The following LRP1B variants were observed in gnomAD, a reference collection of about 807,000 sequenced individuals.
The protein encoded by LRP1B is low-density lipoprotein receptor-related protein 1B.
A neutral mutation model predicts 556.6 loss-of-function variants in LRP1B; 217 were observed. The observed-to-expected ratio is 0.39, with a 90% CI of 0.35 to 0.44. The LOEUF (loss-of-function observed/expected upper bound fraction) is 0.44. Ranked by LOEUF, LRP1B falls within the 20% of genes least tolerant of loss-of-function variation. The pLI, the probability that LRP1B is intolerant of heterozygous loss-of-function variation, is 1.00. For synonymous variants in LRP1B, 2,047 were observed against 1,865.8 expected (o/e 1.10, Z -2.50); for missense variants, 5,053 against 5,620.8 (o/e 0.90, Z 3.23).
intron 1 of LRP1B, among the ~76,000 whole-genome samples, chr2:142,014,384 T>A (rs1703053899): frequency 6.6e-6 from 1 of 152,196 alleles, no homozygotes; most frequent in Non-Finnish European, 1.5e-5. Context: ...TAGTAGCTTT[T>A]ATTTGAAGAA....
intron 3 of LRP1B, among the ~76,000 whole-genome samples, chr2:141,344,410 G>T (rs1167584290): frequency 6.6e-6 from 1 of 152,028 alleles, no homozygotes; most frequent in Non-Finnish European, 1.5e-5. Flanking sequence ...AACTAAGTAA[G>T]CTAGGCATGC....
chr2:140,792,681 A>G (rs1690164982), intron 32 of LRP1B, among the ~76,000 whole-genome samples: 1 of 152,168 alleles, frequency 6.6e-6, no homozygotes, highest in Non-Finnish European at 1.5e-5. Context: ...AAAAGAAAAA[A>G]ATAAGGAAAA....
intron 1 of LRP1B, among the ~76,000 whole-genome samples, chr2:141,979,595 T>G (rs1344667629): frequency 6.6e-6 from 1 of 152,130 alleles, no homozygotes; most frequent in Non-Finnish European, 1.5e-5. Flanking sequence ...ACATTCAACC[T>G]TCTTTTCAGT....
intron 71 of LRP1B, among the ~76,000 whole-genome samples, chr2:140,368,668 G>T (rs1484889833): frequency 6.6e-6 from 1 of 151,712 alleles, no homozygotes; most frequent in Non-Finnish European, 1.5e-5. Flanking sequence ...TTATCCTTCA[G>T]CTCTCTTATA....
intron 2 of LRP1B, among the ~76,000 whole-genome samples, chr2:141,797,246 A>G (rs1415241860): frequency 1.4e-5 from 2 of 146,044 alleles, no homozygotes; most frequent in Admixed American, 1.4e-4. Context: ...CTGCCTATGG[A>G]CTTATTTTTT....
intron 41 of LRP1B, among the ~76,000 whole-genome samples, chr2:140,616,062 G>A (rs1301935796): frequency 6.6e-6 from 1 of 151,722 alleles, no homozygotes; most frequent in Admixed American, 6.6e-5. Flanking sequence ...GCAGATGAAG[G>A]TGGTTATCTG....
intron 41 of LRP1B, among the ~76,000 whole-genome samples, chr2:140,647,190 C>T (rs1234584386): frequency 6.6e-6 from 1 of 151,856 alleles, no homozygotes; most frequent in African/African-American, 2.4e-5. Flanking sequence ...CCTTTAAATG[C>T]TTTTTTAAAA....
intron 3 of LRP1B, among the ~76,000 whole-genome samples, chr2:141,337,555 A>G (rs2105508430): frequency 6.6e-6 from 1 of 152,314 alleles, no homozygotes; most frequent in African/African-American, 2.4e-5. Context: ...CAAAACAATC[A>G]TTTTAAATTT....
At position 140,756,622 on chromosome 2, in the gene LRP1B, C is replaced by A. The variant is rs538362761; in HGVS notation, c.5758+12591G>T. On this transcript the variant is annotated intron_variant, in intron 35 of 90. Transcript: ENST00000389484. Reference sequence around the variant, plus strand: ...AAATGATACTGGGATAAGTAAATATCCATATGCAAATCCACATGGATATCC... The same window carrying A: ...AAATGATACTGGGATAAGTAAATATACATATGCAAATCCACATGGATATCC... Among the ~76,000 whole-genome samples the A allele has an allele frequency of 2.0e-4, 30 of 152,052 alleles. 1 individual carries two copies. The highest frequency in any genetic ancestry group is 5.8e-4 in the African/African-American group (24 of 41,526).
intron 6 of LRP1B, among the ~76,000 whole-genome samples, chr2:141,207,108 G>T (rs948530983): frequency 5.3e-5 from 8 of 152,202 alleles, no homozygotes; most frequent in African/African-American, 1.9e-4. Context: ...ATTTTATGTC[G>T]TTCTGGGTGT....
At chr2:141,451,065 T>C (rs556995795) in intron 3 of LRP1B, among the ~76,000 whole-genome samples, 1 of 152,218 alleles carries the variant, frequency 6.6e-6, no homozygotes. Context: ...AGCTCAGGAA[T>C]GAGCATCTTC....
intron 3 of LRP1B, among the ~76,000 whole-genome samples, chr2:141,413,926 G>A (rs540840969): frequency 6.6e-6 from 1 of 151,150 alleles, no homozygotes; most frequent in South Asian, 2.1e-4. Context: ...GAGAACAGAA[G>A]AGAAGAGAAA....
At chr2:142,043,118 T>A (rs1161312846) in intron 1 of LRP1B, among the ~76,000 whole-genome samples, 3 of 151,602 alleles carry the variant, frequency 2.0e-5, no homozygotes, top group African/African-American at 7.2e-5. Flanking sequence ...TCTTGAATTT[T>A]CCTTGATGCC....
intron 2 of LRP1B, among the ~76,000 whole-genome samples, chr2:141,528,335 C>T (rs1351216102): frequency 1.3e-5 from 2 of 151,738 alleles, no homozygotes; most frequent in Non-Finnish European, 2.9e-5. Context: ...GATCTTTGGA[C>T]AAGTTGTGTT....
chr2:141,178,289 G>GA (rs954647744), intron 7 of LRP1B, among the ~76,000 whole-genome samples: 1 of 152,046 alleles, frequency 6.6e-6, no homozygotes, highest in African/African-American at 2.4e-5. Flanking sequence ...ATCTCACAGA[G>GA]AAAAAAATAA....
At chr2:141,281,950 G>T (rs1685524313) in intron 3 of LRP1B, among the ~76,000 whole-genome samples, 1 of 152,036 alleles carries the variant, frequency 6.6e-6, no homozygotes, top group Non-Finnish European at 1.5e-5. Flanking sequence ...GGAAGAAAAA[G>T]AAAAGATAAT....
chr2:141,031,492 C>T (rs546797927), intron 11 of LRP1B, among the ~76,000 whole-genome samples: 3 of 151,932 alleles, frequency 2.0e-5, no homozygotes, highest in East Asian at 3.9e-4. Context: ...TTCTCTTTTG[C>T]TTCATCTGAA....
intron 3 of LRP1B, among the ~76,000 whole-genome samples, chr2:141,478,166 T>C (rs1399161501): frequency 6.6e-6 from 1 of 152,298 alleles, no homozygotes; most frequent in East Asian, 1.9e-4. Context: ...TGTTTTTATT[T>C]GAATCCCCTT....
At chr2:141,321,774 G>A (rs1687252828) in intron 3 of LRP1B, among the ~76,000 whole-genome samples, 2 of 152,196 alleles carry the variant, frequency 1.3e-5, no homozygotes, top group South Asian at 2.1e-4. Context: ...ATATAAAAGT[G>A]AAATACAAAA....
Sources: gnomAD v4.1 joint callset for allele counts (sites outside exome capture counted in the v4.1 genomes callset) on GRCh38, gnomAD v4.1.1 for gene constraint, MANE v1.5 for transcripts, NCBI Gene and HGNC (gene_info 2026-07-23, HGNC 2026-07-21) for gene names.